MACROD2: variants seen among roughly 807,000 people sequenced by gnomAD.
MACROD2 encodes ADP-ribose glycohydrolase MACROD2.
In MACROD2, 36 loss-of-function variants were observed where a neutral mutation model predicts 70.4. The observed-to-expected ratio is 0.51, with a 90% confidence interval of 0.39 to 0.68. The LOEUF is 0.68. Ranked by LOEUF, MACROD2 falls within the 30% of genes least tolerant of loss-of-function variation. The probability of loss-of-function intolerance (pLI) is 0.00; values close to 1 mark genes in which losing one functional copy is unlikely to be tolerated. For synonymous variants in MACROD2, 172 were observed against 178.8 expected, an observed-to-expected ratio of 0.96 and a Z score of 0.30; for missense variants, 496 against 538.4, an observed-to-expected ratio of 0.92 and a Z score of 0.78.
At chr20:14,599,002 A>T (rs6110349) in intron 4 of MACROD2, among the ~76,000 whole-genome samples, 29,014 of 152,076 alleles carry the variant, frequency 0.19, 3,405 homozygotes, top group Non-Finnish European at 0.26. Flanking sequence ...TACTATATTG[A>T]TTTATACATT....
At chr20:14,010,644 C>T (rs909559718) in intron 2 of MACROD2, among the ~76,000 whole-genome samples, 2 of 151,554 alleles carry the variant, frequency 1.3e-5, no homozygotes, top group Admixed American at 6.6e-5. Context: ...TGTTTTCTGG[C>T]ACTGCATCTG....
intron 8 of MACROD2, among the ~76,000 whole-genome samples, chr20:15,535,904 G>C (rs557238863): frequency 2.6e-5 from 4 of 152,304 alleles, no homozygotes; most frequent in African/African-American, 9.6e-5. Flanking sequence ...GGAAGCATAG[G>C]TATGCTGTTT....
At chr20:14,170,074 A>T (rs966205641) in intron 3 of MACROD2, among the ~76,000 whole-genome samples, 10 of 152,048 alleles carry the variant, frequency 6.6e-5, no homozygotes. Flanking sequence ...TTGTATTTTT[A>T]GTAGAGATGG....
Position 14,326,600 on chromosome 20 carries a change from G to T in MACROD2, c.272-166879G>T. 6.2e-7 allele frequency: 1 copy of T among 1,613,828 alleles called. No homozygotes were observed. Among genetic ancestry groups the T allele is most frequent in the Non-Finnish European group, 8.5e-7 (1 of 1,179,836 alleles). On this transcript the variant is annotated intron_variant, in intron 3 of 17. Transcript: ENST00000684519. This position sits in a 1 kb window ranked among gnomAD's most constrained non-coding sequence, Gnocchi z 5.5. ...CACCCGCAATACCAGGGATTGTTGC[G>T]AAGAATCAGTTGTGTTATATTGTCC...
chr20:14,866,234 A>T (rs568193340), intron 5 of MACROD2, among the ~76,000 whole-genome samples: 1 of 152,228 alleles, frequency 6.6e-6, no homozygotes, highest in Non-Finnish European at 1.5e-5. Flanking sequence ...ACTTAACTGG[A>T]TGTGTCTTGG....
In MACROD2 at chr20:16,037,384, T is replaced by C. The variant is rs1350108260; in HGVS notation, c.1154-3817T>C. ...GTAATGTAACCAGGGTTATTACCAT[T>C]GAGAGTAACAACTTAGAAAGATATT... On this transcript the variant is annotated intron_variant, in intron 15 of 17. Transcript: ENST00000684519. Among the ~76,000 whole-genome samples, 3 of 152,046 alleles carry C rather than the reference T, an allele frequency of 2.0e-5. No homozygotes were observed. In the East Asian group the frequency reaches 5.8e-4, roughly 29 times the overall value.
intron 3 of MACROD2, among the ~76,000 whole-genome samples, chr20:14,227,936 A>G (rs1420024506): frequency 1.3e-5 from 2 of 152,174 alleles, no homozygotes; most frequent in African/African-American, 4.8e-5. Context: ...TTTCATGACA[A>G]TACCATTTTA....
intron 4 of MACROD2, among the ~76,000 whole-genome samples, chr20:14,579,810 G>T (rs1980887273): frequency 6.6e-6 from 1 of 152,286 alleles, no homozygotes; most frequent in East Asian, 1.9e-4. Flanking sequence ...CACTCAACCT[G>T]TGAGGAATAA....
At position 14,885,750 on chromosome 20, in the gene MACROD2, T is replaced by C. The variant is rs116253726; in HGVS notation, c.418+200791T>C. Among the ~76,000 whole-genome samples the C allele has an allele frequency of 5.1e-3, 782 of 152,326 alleles. 10 individuals are homozygous for C. The highest frequency in any genetic ancestry group is 0.018 in the African/African-American group (738 of 41,584). Reference sequence around the variant, plus strand: ...CAAATCTCTTCCTTTGAAATGCTCTTTCCTGTTCCTCTTCCTTCTTACCAT... The same window carrying C: ...CAAATCTCTTCCTTTGAAATGCTCTCTCCTGTTCCTCTTCCTTCTTACCAT... On this transcript the variant is annotated intron_variant, in intron 5 of 17. Transcript: ENST00000684519.
rs191506939 is a variant in MACROD2, at chr20:15,007,690, G to A, written c.419-222250G>A. Among the ~76,000 whole-genome samples, 8 of 152,326 alleles carry A rather than the reference G, an allele frequency of 5.3e-5. No individual in the cohort carries two copies. In the East Asian group the frequency reaches 9.7e-4, roughly 18 times the overall value. On this transcript the variant is annotated intron_variant, in intron 5 of 17. Transcript: ENST00000684519. ...TTCTGGCCTGCCAGGAATGACTCCC[G>A]GAACAAATACTCTGGAACTGGGCCA...
At chr20:15,367,509 T>C (rs2045428148) in intron 6 of MACROD2, among the ~76,000 whole-genome samples, 2 of 152,190 alleles carry the variant, frequency 1.3e-5, no homozygotes, top group South Asian at 4.1e-4. Context: ...TAAGTATCTT[T>C]AAATGAACAA....
chr20:15,292,210 G>C (rs1008074036), intron 6 of MACROD2, among the ~76,000 whole-genome samples: 8 of 152,030 alleles, frequency 5.3e-5, no homozygotes, highest in Admixed American at 6.6e-5. Context: ...ATCTGGGCTA[G>C]TTTTACAATA....
intron 8 of MACROD2, among the ~76,000 whole-genome samples, chr20:15,616,459 G>C (rs1434340944): frequency 6.6e-6 from 1 of 152,140 alleles, no homozygotes. Context: ...GTTCAAAGAA[G>C]AGTTCCTTTA....
intron 5 of MACROD2, among the ~76,000 whole-genome samples, chr20:14,826,915 C>A (rs1448498040): frequency 6.6e-6 from 1 of 151,990 alleles, no homozygotes; most frequent in Non-Finnish European, 1.5e-5. Context: ...CTAATGGAGT[C>A]CTGGAAGCTG....
chr20:15,136,592 C>A (rs562273933), intron 5 of MACROD2, among the ~76,000 whole-genome samples: 1 of 152,098 alleles, frequency 6.6e-6, no homozygotes, highest in South Asian at 2.1e-4. Context: ...AATGTTAGAC[C>A]TAAAACCATA....
chr20:14,236,308 G>A (rs901827573), intron 3 of MACROD2, among the ~76,000 whole-genome samples: 2 of 152,108 alleles, frequency 1.3e-5, no homozygotes, highest in Non-Finnish European at 2.9e-5. Context: ...CAACTGTGCA[G>A]TAGAACTTTT....
rs576789754 is a variant in MACROD2, at chr20:14,991,224, G to A, written c.419-238716G>A. 3.9e-5 allele frequency among the ~76,000 whole-genome samples: 6 copies of A among 152,012 alleles called. No individual in the cohort carries two copies. In the South Asian group the frequency reaches 1.2e-3, roughly 32 times the overall value. The stretch of plus-strand genomic sequence containing the variant: ...CAAGTGAAAAAAAAAATCTCACGTT[G>A]CCCCATTTCCCAACTGTTTGACCAC... On this transcript the variant is annotated intron_variant, in intron 5 of 17. Coordinates refer to ENST00000684519, the MANE Select transcript of MACROD2 (RefSeq NM_001351661.2).
intron 6 of MACROD2, among the ~76,000 whole-genome samples, chr20:15,330,198 A>G (rs1039321017): frequency 9.9e-5 from 15 of 152,188 alleles, no homozygotes; most frequent in South Asian, 4.1e-4. Context: ...ATCTGCATTT[A>G]TTTAATATCT....
chr20:14,005,406 C>G (rs933636597), intron 2 of MACROD2, among the ~76,000 whole-genome samples: 2 of 152,156 alleles, frequency 1.3e-5, no homozygotes, highest in African/African-American at 2.4e-5. Flanking sequence ...AATTCTTCCT[C>G]TGTGTTACCA....
Sources: allele counts gnomAD v4.1 joint callset (sites outside exome capture counted in the v4.1 genomes callset), GRCh38; gene constraint gnomAD v4.1.1; non-coding constraint Gnocchi (gnomAD v3.1); transcripts MANE v1.5; gene names NCBI Gene and HGNC (gene_info 2026-07-23, HGNC 2026-07-21).